ADAMTS13: variants seen among roughly 807,000 people sequenced by gnomAD.
The protein encoded by ADAMTS13 is A disintegrin and metalloproteinase with thrombospondin motifs 13.
A neutral mutation model predicts 155.1 loss-of-function variants in ADAMTS13; 110 were observed. The ratio of observed to expected loss-of-function variants is 0.71; its 90% confidence interval spans 0.61 to 0.83. ADAMTS13 has a LOEUF of 0.83. ADAMTS13 is among the 40% of genes least tolerant of loss of function. The pLI, the probability that ADAMTS13 is intolerant of heterozygous loss-of-function variation, is 0.00. For synonymous variants in ADAMTS13, 758 were observed against 756.4 expected (o/e 1.00, Z -0.03); for missense variants, 1,707 against 1,891.7 (o/e 0.90, Z 1.81).
intron 22 of ADAMTS13, among the ~76,000 whole-genome samples, chr9:133,448,982 G>A (rs1257852258): frequency 1.3e-5 from 2 of 152,202 alleles, no homozygotes; most frequent in Non-Finnish European, 2.9e-5. Context: ...GACAGGGGGT[G>A]CTAGGTCTGC....
Position 133,454,567 on chromosome 9 carries a change from CCT to C in ADAMTS13, c.3198_3199del (p.Cys1067SerfsTer30), listed in dbSNP as rs782288601. On this transcript the variant is annotated frameshift_variant, in exon 24 of 29. Transcript: ENST00000355699. LOFTEE classifies it high-confidence loss of function. Reference sequence around the variant, plus strand: ...CTGGTGCGGCCCGAGGCCAGTGTCCCCTGTCTCATTGCCGACTGCACCTACCG... The same window carrying C: ...CTGGTGCGGCCCGAGGCCAGTGTCCCGTCTCATTGCCGACTGCACCTACCG... The C allele has an allele frequency of 1.1e-5, 17 of 1,607,616 alleles. No individual in the cohort carries two copies. Among genetic ancestry groups the C allele is most frequent in the South Asian group, 2.2e-5 (2 of 91,056 alleles).
At chr9:133,432,018 C>T (rs376173673) in intron 8 of ADAMTS13, among the ~76,000 whole-genome samples, 2 of 145,860 alleles carry the variant, frequency 1.4e-5, no homozygotes, top group African/African-American at 4.8e-5. Context: ...AATCCCAGCA[C>T]TTTGGGAAGC....
chr9:133,443,637 C>G (rs990639107), intron 19 of ADAMTS13, 76 bp downstream of exon 19: 1 of 1,426,990 alleles, frequency 7.0e-7, no homozygotes, highest in Non-Finnish European at 9.2e-7. Context: ...CCCCATCCTT[C>G]TGAGAATCCC....
intron 22 of ADAMTS13, among the ~76,000 whole-genome samples, chr9:133,449,404 C>T (rs911370678): frequency 2.9e-5 from 4 of 137,736 alleles, no homozygotes; most frequent in Admixed American, 8.2e-5. Flanking sequence ...GTGTTCAGTG[C>T]GATGCAGCCA....
At chr9:133,457,020 C>A (rs993026214) in intron 27 of ADAMTS13, 3 of 504,876 alleles carry the variant, frequency 5.9e-6, no homozygotes, top group Non-Finnish European at 7.4e-6. Context: ...GCCCCGCCCC[C>A]ACCCCTCCAG....
intron 11 of ADAMTS13, among the ~76,000 whole-genome samples, chr9:133,435,706 G>A (rs987509350): frequency 6.8e-5 from 10 of 146,076 alleles, no homozygotes; most frequent in African/African-American, 2.2e-4. Context: ...ATTTTTTTTT[G>A]TATTTTTAGT....
At chr9:133,427,199 G>A (rs587613177) in intron 6 of ADAMTS13, among the ~76,000 whole-genome samples, 46 of 152,270 alleles carry the variant, frequency 3.0e-4, no homozygotes, top group South Asian at 1.2e-3. Context: ...GGTGTGCACC[G>A]TAATTTATTT....
chr9:133,444,870 GT>G lies in ADAMTS13; in HGVS notation c.2429del (p.Val810GlyfsTer33). 1 of 1,612,968 alleles carries G rather than the reference GT, an allele frequency of 6.2e-7. No individual in the cohort carries two copies. ...GTCTCATGCCATCCTCAGGTGGGAG[GT>G]GTCAGAGCCCAGCTCATGCACATCA... ...NPQPCPARWE[V>X]SEPSSCTSAG... On this transcript the variant is annotated frameshift_variant, in exon 20 of 29. Transcript: ENST00000355699. LOFTEE classifies it high-confidence loss of function.
rs1405438969 is a variant in ADAMTS13 at position 133,440,247 on chromosome 9, A to T, written c.1787-97A>T. ...TCAGATGCCTGTGGCTCCTTAGAGG[A>T]GGGCTGGGGACCCCGGGAAGGAGAG... On this transcript the variant is annotated intron_variant, in intron 15 of 28. Coordinates refer to ENST00000355699, the MANE Select transcript of ADAMTS13 (RefSeq NM_139027.6). This position sits in a 1 kb window ranked among gnomAD's most constrained non-coding sequence, Gnocchi z 4.3. 44 of 1,503,324 alleles carry T rather than the reference A, an allele frequency of 2.9e-5. No individual in the cohort carries two copies. Among genetic ancestry groups the T allele is most frequent in the Non-Finnish European group, 4.0e-5 (44 of 1,089,636 alleles). The allele number at this position is 1,503,324 out of a possible 1,614,324, so 93.1% of individuals were successfully genotyped here. A position where few individuals can be genotyped will look rare whatever the true frequency, so the allele number is the denominator to read the frequency against.
intron 23 of ADAMTS13, among the ~76,000 whole-genome samples, chr9:133,453,628 C>G (rs1842571244): frequency 6.6e-6 from 1 of 152,158 alleles, no homozygotes; most frequent in South Asian, 2.1e-4. Context: ...CACCACTGCC[C>G]TCCAGCCTGG....
chr9:133,445,000 T>G lies in ADAMTS13; in HGVS notation c.2558T>G (p.Leu853Arg). 1 of 1,613,480 alleles carries G rather than the reference T, an allele frequency of 6.2e-7. No individual in the cohort carries two copies. The highest frequency in any genetic ancestry group is 8.5e-7 in the Non-Finnish European group (1 of 1,180,010). ...TEGPGSVDEK[L>R]PAPEPCVGMS... ...GGGCCTGGCTCCGTAGATGAGAAGC[T>G]GCCTGCCCCTGAGCCCTGTGTCGGG... The change falls in exon 20 of 29, where the codon CTG becomes CGG. Residue 853 changes from leucine to arginine, a missense_variant. Transcript: ENST00000355699.
upstream of ADAMTS13, among the ~76,000 whole-genome samples, chr9:133,419,761 C>T (rs1005717478): frequency 1.3e-5 from 2 of 152,108 alleles, no homozygotes; most frequent in African/African-American, 2.4e-5. Context: ...TGTTTTGAGA[C>T]GGAGTCTTGC....
At chr9:133,431,548 G>C (rs1478442997) in intron 8 of ADAMTS13, among the ~76,000 whole-genome samples, 1 of 151,988 alleles carries the variant, frequency 6.6e-6, no homozygotes, top group Non-Finnish European at 1.5e-5. Context: ...GGCTGGTCTC[G>C]AATTCTGACC....
rs1465338889 is a variant in ADAMTS13 at position 133,428,674 on chromosome 9, G to C, written c.727G>C (p.Gly243Arg). 1.5e-6 allele frequency: 2 copies of C among 1,360,788 alleles called. No homozygotes were observed. Among genetic ancestry groups the C allele is most frequent in the Admixed American group, 5.6e-5 (2 of 35,992 alleles). 84.3% of individuals were successfully genotyped at this position (1,360,788 alleles called of 1,614,324 possible). Residue 243 changes from glycine (G) to arginine (R), a missense_variant, in exon 7 of 29, where the codon GGC (glycine) becomes CGC (arginine). Physicochemically the swap from Gly to Arg is moderately radical, Grantham distance 125. Around this residue, in one of 3 missense-constraint regions of ADAMTS13, gnomAD observed 733 missense variants for 749.6 expected, o/e 0.98. Transcript: ENST00000355699. ...EHDGAPGSGC[G>R]PSGHVMASDG... Reference sequence around the variant, plus strand: ...CGACGGCGCGCCCGGCAGCGGCTGCGGCCCCAGCGGACACGTGATGGCTTC... The same window carrying C: ...CGACGGCGCGCCCGGCAGCGGCTGCCGCCCCAGCGGACACGTGATGGCTTC...
chr9:133,431,748 G>A (rs1554787546), intron 8 of ADAMTS13, among the ~76,000 whole-genome samples: 2 of 152,092 alleles, frequency 1.3e-5, no homozygotes, highest in East Asian at 3.9e-4. Flanking sequence ...TCTGCCTTCA[G>A]GGTTCAAGCC....
At chr9:133,426,426 A>G (rs914479560) in intron 6 of ADAMTS13, 81 bp downstream of exon 6, 99 of 1,565,738 alleles carry the variant, frequency 6.3e-5, no homozygotes, top group Middle Eastern at 4.0e-4. Context: ...CTTGGCAAGC[A>G]GTGGGTCCTT....
intron 25 of ADAMTS13, 142 bp from the exon 26 acceptor site, chr9:133,455,927 T>C (rs587743364): frequency 1.8e-6 from 2 of 1,120,484 alleles, no homozygotes; most frequent in African/African-American, 3.1e-5. Flanking sequence ...CCCCTCCCTG[T>C]CCTGAGAAGG....
chr9:133,437,837 T>C lies in ADAMTS13; in HGVS notation c.1524T>C (p.Cys508=), dbSNP rs1554789569. The change falls in exon 13 of 29, where the codon TGT becomes TGC. Residue 508 remains cysteine, a synonymous_variant. Coordinates refer to ENST00000355699, the MANE Select transcript of ADAMTS13 (RefSeq NM_139027.6). Reference sequence around the variant, plus strand: ...ACAGCTTCCTCGATGGGACCCGGTGTATGCCAAGTGGCCCCCGGGAGGACG... The same window carrying C: ...ACAGCTTCCTCGATGGGACCCGGTGCATGCCAAGTGGCCCCCGGGAGGACG... The part of the protein sequence containing the change: ...RGDSFLDGTR[C]MPSGPREDGT... 6.2e-7 allele frequency: 1 copy of C among 1,613,984 alleles called. No homozygotes were observed. Among genetic ancestry groups the C allele is most frequent in the Admixed American group, 1.7e-5 (1 of 60,024 alleles).
intron 21 of ADAMTS13, among the ~76,000 whole-genome samples, chr9:133,446,157 C>T (rs780629940): frequency 6.6e-6 from 1 of 152,202 alleles, no homozygotes; most frequent in Non-Finnish European, 1.5e-5. Context: ...TCTATTTTCC[C>T]AATCTTGTTT....
Sources: gnomAD v4.1 joint callset for allele counts (sites outside exome capture counted in the v4.1 genomes callset) on GRCh38, gnomAD v4.1.1 for gene constraint, gnomAD v4.1.1 regional missense constraint, Gnocchi (gnomAD v3.1) non-coding constraint, MANE v1.5 for transcripts, NCBI Gene and HGNC (gene_info 2026-07-23, HGNC 2026-07-21) for gene names.